Variants in SNTG2 observed in about 807,000 individuals in gnomAD.
The protein encoded by SNTG2 is gamma-2-syntrophin.
A neutral mutation model predicts 70.9 loss-of-function variants in SNTG2; 74 were observed. The observed-to-expected ratio is 1.04, with a 90% confidence interval of 0.86 to 1.27. The LOEUF is 1.27. SNTG2 is among the 50% of genes most tolerant of loss of function. The probability of loss-of-function intolerance (pLI) is 0.00; values close to 1 mark genes in which losing one functional copy is unlikely to be tolerated. For missense variants in SNTG2, 717 were observed against 690.7 expected, an observed-to-expected ratio of 1.04 and a Z score of -0.43; for synonymous variants, 278 against 273.8, an observed-to-expected ratio of 1.02 and a Z score of -0.15.
At chr2:1,153,124 CAAA>C (rs60254441) in intron 6 of SNTG2, among the ~76,000 whole-genome samples, 14 of 134,248 alleles carry the variant, frequency 1.0e-4, no homozygotes, top group Middle Eastern at 4.2e-3. Context: ...AACTCCATCT[CAAA>C]AAAAAAAAAA....
chr2:1,251,078 T>C (rs1385941068), intron 12 of SNTG2, among the ~76,000 whole-genome samples: 3 of 152,198 alleles, frequency 2.0e-5, no homozygotes, highest in Admixed American at 1.3e-4. Flanking sequence ...CGCTATTCCT[T>C]GTAAAGGGTC....
chr2:1,006,331 G>A (rs1037983010), intron 1 of SNTG2, among the ~76,000 whole-genome samples: 1 of 151,280 alleles, frequency 6.6e-6, no homozygotes, highest in African/African-American at 2.4e-5. Context: ...GAAAAAAAAT[G>A]CATTGATTAT....
chr2:1,186,114 A>G (rs76101925), intron 8 of SNTG2, among the ~76,000 whole-genome samples: 523 of 152,296 alleles, frequency 3.4e-3, no homozygotes, highest in African/African-American at 0.012. Flanking sequence ...CTCAAGTTCA[A>G]TGTTGCACAG....
chr2:1,199,181 C>A, intron 8 of SNTG2, among the ~76,000 whole-genome samples: 1 of 81,174 alleles, frequency 1.2e-5, no homozygotes, highest in Non-Finnish European at 2.6e-5. Context: ...AGGTAACACA[C>A]CATCATCAAG....
At chr2:1,116,719 C>T (rs181068938) in intron 4 of SNTG2, among the ~76,000 whole-genome samples, 2 of 145,330 alleles carry the variant, frequency 1.4e-5, no homozygotes, top group African/African-American at 2.6e-5. Flanking sequence ...TATGGGTGCC[C>T]TGGTGTGTGC....
intron 1 of SNTG2, among the ~76,000 whole-genome samples, chr2:1,006,696 A>T (rs1659583122): frequency 6.6e-6 from 1 of 152,110 alleles, no homozygotes; most frequent in Admixed American, 6.5e-5. Context: ...TGGCATTTAC[A>T]TTGTGGTAGA....
intron 1 of SNTG2, among the ~76,000 whole-genome samples, chr2:1,021,398 A>G (rs764798716): frequency 5.9e-5 from 9 of 152,160 alleles, no homozygotes; most frequent in Non-Finnish European, 1.2e-4. Flanking sequence ...GAATCCAGAA[A>G]TGGCATGCCC....
intron 1 of SNTG2, among the ~76,000 whole-genome samples, chr2:1,058,977 T>C (rs1662639736): frequency 6.6e-6 from 1 of 152,242 alleles, no homozygotes; most frequent in African/African-American, 2.4e-5. Context: ...GGACCACCCC[T>C]GGGCTCCGTC....
At chr2:1,260,452 G>A (rs1239221387) in intron 13 of SNTG2, among the ~76,000 whole-genome samples, 1 of 152,100 alleles carries the variant, frequency 6.6e-6, no homozygotes, top group Admixed American at 6.5e-5. Flanking sequence ...TGGTAATGAA[G>A]GAGATGAAGG....
At chr2:1,010,981 GA>G (rs1659714857) in intron 1 of SNTG2, among the ~76,000 whole-genome samples, 1 of 152,248 alleles carries the variant, frequency 6.6e-6, no homozygotes, top group Non-Finnish European at 1.5e-5. Context: ...TTTGTGAATG[GA>G]AAAGTAGAAC....
At chr2:1,051,611 G>A (rs1333754262) in intron 1 of SNTG2, among the ~76,000 whole-genome samples, 1 of 152,182 alleles carries the variant, frequency 6.6e-6, no homozygotes, top group Non-Finnish European at 1.5e-5. Flanking sequence ...GGGCTATAAA[G>A]TCTGCAGTTT....
intron 1 of SNTG2, among the ~76,000 whole-genome samples, chr2:997,009 G>A (rs745742040): frequency 2.6e-5 from 4 of 152,054 alleles, no homozygotes; most frequent in Admixed American, 6.5e-5. Flanking sequence ...GCAGCACTTC[G>A]TTCTGTGTCT....
At chr2:1,281,698 T>A (rs941466552) in intron 14 of SNTG2, among the ~76,000 whole-genome samples, 1 of 152,216 alleles carries the variant, frequency 6.6e-6, no homozygotes, top group East Asian at 1.9e-4. Flanking sequence ...TGAAGGTATG[T>A]TCCCTGTCAC....
chr2:1,177,159 G>A (rs1572651733), intron 8 of SNTG2, among the ~76,000 whole-genome samples: 1 of 152,166 alleles, frequency 6.6e-6, no homozygotes, highest in Non-Finnish European at 1.5e-5. Flanking sequence ...ATAAAAAGGA[G>A]CAAGACTATG....
At chr2:999,841 A>G (rs974457557) in intron 1 of SNTG2, among the ~76,000 whole-genome samples, 28 of 152,116 alleles carry the variant, frequency 1.8e-4, no homozygotes, top group African/African-American at 6.0e-4. Context: ...TCTTCAGTGC[A>G]TAGAACATTT....
intron 9 of SNTG2, among the ~76,000 whole-genome samples, chr2:1,229,980 C>T (rs374301062): frequency 2.6e-5 from 4 of 152,204 alleles, no homozygotes; most frequent in Admixed American, 2.6e-4. Context: ...GCCTCTCCCT[C>T]CACACCTCCC....
At chr2:954,543 G>A (rs919146066) in intron 1 of SNTG2, among the ~76,000 whole-genome samples, 2 of 152,102 alleles carry the variant, frequency 1.3e-5, no homozygotes, top group Non-Finnish European at 2.9e-5. Context: ...TTGAATAGTC[G>A]ACTTTGGATT....
intron 1 of SNTG2, among the ~76,000 whole-genome samples, chr2:1,051,904 T>C (rs1443578545): frequency 6.6e-6 from 1 of 152,222 alleles, no homozygotes; most frequent in African/African-American, 2.4e-5. Context: ...GATATTTTAT[T>C]ACACAACATT....
At chr2:1,341,036 G>C (rs1469282061) in intron 16 of SNTG2, 2 of 152,146 alleles carry the variant, frequency 1.3e-5, no homozygotes, top group African/African-American at 4.8e-5. Flanking sequence ...CCAATTTATA[G>C]GTGAGAAAAC....
Sources: gnomAD v4.1 joint callset for allele counts (sites outside exome capture counted in the v4.1 genomes callset) on GRCh38, gnomAD v4.1.1 for gene constraint, MANE v1.5 for transcripts, NCBI Gene and HGNC (gene_info 2026-07-23, HGNC 2026-07-21) for gene names.